MALRD1: variants seen among roughly 807,000 people sequenced by gnomAD.
MALRD1 encodes MAM and LDL receptor class A domain containing 1, also known as MAM and LDL-receptor class A domain-containing protein 1.
In MALRD1, 247 loss-of-function variants were observed where a neutral mutation model predicts 242.1. That is an observed-to-expected ratio of 1.02 (90% CI 0.92 to 1.13). MALRD1 has a LOEUF of 1.13. Ranked by LOEUF, MALRD1 falls within the 50% of genes most tolerant of loss-of-function variation. MALRD1 has a pLI of 0.00. For synonymous variants in MALRD1, 995 were observed against 866.6 expected (o/e 1.15, Z -2.60); for missense variants, 2,989 against 2,533.1 (o/e 1.18, Z -3.86).
At chr10:19,258,415 T>A (rs529339598) in intron 19 of MALRD1, among the ~76,000 whole-genome samples, 1 of 152,212 alleles carries the variant, frequency 6.6e-6, no homozygotes, top group South Asian at 2.1e-4. Flanking sequence ...AAGTGCATAG[T>A]GATCTAAGAA....
At chr10:19,478,876 C>T (rs1017465420) in intron 29 of MALRD1, among the ~76,000 whole-genome samples, 1 of 152,192 alleles carries the variant, frequency 6.6e-6, no homozygotes, top group South Asian at 2.1e-4. Flanking sequence ...GAATGATTTT[C>T]AATGGTTGAG....
At chr10:19,060,109 C>G (rs899797119) in intron 1 of MALRD1, among the ~76,000 whole-genome samples, 2 of 152,100 alleles carry the variant, frequency 1.3e-5, no homozygotes, top group Non-Finnish European at 2.9e-5. Context: ...GGGTGTCAAT[C>G]TTTTTATTTT....
At chr10:19,460,929 T>C (rs1292414679) in intron 29 of MALRD1, among the ~76,000 whole-genome samples, 2 of 152,158 alleles carry the variant, frequency 1.3e-5, no homozygotes, top group Non-Finnish European at 2.9e-5. Flanking sequence ...AAGTACTCTT[T>C]GGTTTCATCT....
At chr10:19,673,972 G>A (rs1003810638) in intron 36 of MALRD1, among the ~76,000 whole-genome samples, 1 of 152,054 alleles carries the variant, frequency 6.6e-6, no homozygotes, top group African/African-American at 2.4e-5. Context: ...AGTAAAAAAT[G>A]CAATAAAGAG....
chr10:19,478,976 C>CTAGT (rs1396999228), intron 29 of MALRD1, among the ~76,000 whole-genome samples: 1 of 152,124 alleles, frequency 6.6e-6, no homozygotes, highest in Non-Finnish European at 1.5e-5. Context: ...AGGAATTAGC[C>CTAGT]TAGTACAAAT....
intron 36 of MALRD1, among the ~76,000 whole-genome samples, chr10:19,623,316 C>T (rs1839490959): frequency 1.3e-5 from 2 of 151,536 alleles, no homozygotes; most frequent in Admixed American, 1.3e-4. Flanking sequence ...AGGGAAAGCC[C>T]GAATGTCACA....
chr10:19,504,096 C>T (rs117927305), intron 31 of MALRD1, among the ~76,000 whole-genome samples: 6,207 of 152,262 alleles, frequency 0.041, 194 homozygotes, highest in Middle Eastern at 0.082. Context: ...ATAAATACAA[C>T]TCAATTTGAT....
chr10:19,064,647 T>C (rs1239946144), intron 1 of MALRD1, among the ~76,000 whole-genome samples: 1 of 151,928 alleles, frequency 6.6e-6, no homozygotes, highest in African/African-American at 2.4e-5. Flanking sequence ...AGCACACACC[T>C]GTAATCCCAG....
intron 31 of MALRD1, among the ~76,000 whole-genome samples, chr10:19,525,111 C>A (rs1834048007): frequency 1.3e-5 from 2 of 149,774 alleles, no homozygotes; most frequent in Admixed American, 1.3e-4. Flanking sequence ...GACGGGGTTT[C>A]CCTATGTTGG....
Position 19,595,398 on chromosome 10 carries a change from C to G in MALRD1, c.5885C>G (p.Ser1962Cys). 6.4e-7 allele frequency: 1 copy of G among 1,550,482 alleles called. No individual in the cohort carries two copies. The highest frequency in any genetic ancestry group is 8.7e-7 in the Non-Finnish European group (1 of 1,146,892). The change falls in exon 34 of 40, where the codon TCC (serine) becomes TGC (cysteine). Residue 1962 changes from serine (S) to cysteine (C), a missense_variant. Physicochemically the swap from Ser to Cys is moderately radical, Grantham distance 112. Transcript: ENST00000454679. ...TGCTCTACAGACGAGTGTATACCTT[C>G]CCTCCTGCTATGCGATGGAGTGCCC... ...FPCSTDECIP[S>C]LLLCDGVPDC... is the part of the protein sequence containing the mutation.
intron 4 of MALRD1, among the ~76,000 whole-genome samples, chr10:19,094,558 C>T (rs1025322458): frequency 3.3e-5 from 5 of 151,728 alleles, no homozygotes; most frequent in African/African-American, 7.3e-5. Context: ...TCTTCTGCGT[C>T]GCTCACGCTG....
At chr10:19,504,028 A>G (rs147360185) in intron 31 of MALRD1, among the ~76,000 whole-genome samples, 6 of 152,266 alleles carry the variant, frequency 3.9e-5, no homozygotes, top group African/African-American at 1.4e-4. Flanking sequence ...CCCCCAAATA[A>G]TCTTAGCAAG....
At chr10:19,242,227 G>A (rs1045273138) in intron 18 of MALRD1, among the ~76,000 whole-genome samples, 2 of 152,076 alleles carry the variant, frequency 1.3e-5, no homozygotes, top group African/African-American at 4.8e-5. Context: ...AAGTGAAAGG[G>A]TTCCCCCTTA....
intron 1 of MALRD1, among the ~76,000 whole-genome samples, chr10:19,059,595 T>C (rs1396235269): frequency 6.6e-6 from 1 of 152,164 alleles, no homozygotes; most frequent in East Asian, 1.9e-4. Flanking sequence ...TTTCACTGTG[T>C]TGGCCAGGCT....
At chr10:19,149,454 C>T (rs1224910552) in intron 11 of MALRD1, among the ~76,000 whole-genome samples, 13 of 151,982 alleles carry the variant, frequency 8.6e-5, no homozygotes, top group South Asian at 4.1e-4. Flanking sequence ...AAATTTCCAT[C>T]GAAATAGGCA....
intron 9 of MALRD1, among the ~76,000 whole-genome samples, chr10:19,135,264 C>T (rs1477474855): frequency 6.6e-6 from 1 of 152,126 alleles, no homozygotes; most frequent in Non-Finnish European, 1.5e-5. Flanking sequence ...AAGCAATTCT[C>T]TTGCGTTAGC....
At chr10:19,343,964 C>A (rs972650044) in intron 24 of MALRD1, among the ~76,000 whole-genome samples, 3 of 152,064 alleles carry the variant, frequency 2.0e-5, no homozygotes, top group Non-Finnish European at 4.4e-5. Context: ...ATCCATATAT[C>A]CCCTTGGCTG....
At chr10:19,245,117 A>C (rs1162580755) in intron 18 of MALRD1, among the ~76,000 whole-genome samples, 1 of 152,182 alleles carries the variant, frequency 6.6e-6, no homozygotes, top group African/African-American at 2.4e-5. Flanking sequence ...ACTGCACTAG[A>C]ATTAATTTTG....
At chr10:19,329,154 C>A (rs535604307) in intron 23 of MALRD1, among the ~76,000 whole-genome samples, 1 of 152,054 alleles carries the variant, frequency 6.6e-6, no homozygotes, top group African/African-American at 2.4e-5. Flanking sequence ...ATATTAATGG[C>A]TTGTGAATAT....
Sources: allele counts gnomAD v4.1 joint callset (sites outside exome capture counted in the v4.1 genomes callset), GRCh38; gene constraint gnomAD v4.1.1; transcripts MANE v1.5; gene names NCBI Gene and HGNC (gene_info 2026-07-23, HGNC 2026-07-21).